Variants in SMG1 observed in about 807,000 individuals in gnomAD.
SMG1 encodes the protein serine/threonine-protein kinase SMG1.
SMG1 carries 22 observed loss-of-function variants against 419.9 expected under a neutral mutation model. The observed-to-expected ratio is 0.05, with a 90% confidence interval of 0.04 to 0.07. The LOEUF (loss-of-function observed/expected upper bound fraction) is 0.07. Among genes scored for constraint, SMG1 ranks in the 10% least tolerant of loss-of-function variants. The probability of loss-of-function intolerance (pLI) is 1.00; values close to 1 mark genes in which losing one functional copy is unlikely to be tolerated. For missense variants in SMG1, 3,185 were observed against 4,342.0 expected (o/e 0.73, Z 7.49); for synonymous variants, 1,538 against 1,553.5 (o/e 0.99, Z 0.23).
intron 23 of SMG1, among the ~76,000 whole-genome samples, 180 bp from the exon 24 acceptor site, chr16:18,864,324 T>C (rs370179938): frequency 3.3e-5 from 5 of 151,320 alleles, no homozygotes; most frequent in African/African-American, 1.2e-4. Flanking sequence ...GCCTCCTGAG[T>C]AGCTGGGAAT....
chr16:18,862,362 G>A (rs117506357), intron 25 of SMG1, among the ~76,000 whole-genome samples: 10,067 of 152,182 alleles, frequency 0.066, 511 homozygotes, highest in Non-Finnish European at 0.099. Context: ...ATTCTTCAGA[G>A]GCTTCTCTCT....
chr16:18,925,664 C>T (rs766374375), intron 1 of SMG1: 5 of 226,220 alleles, frequency 2.2e-5, no homozygotes, highest in Non-Finnish European at 3.4e-5. Flanking sequence ...ACCCCCACCC[C>T]CGCCTCTTTC....
In SMG1 at chr16:18,845,595, A is replaced by G; in HGVS notation, c.6053T>C (p.Val2018Ala). 6.2e-7 allele frequency: 1 copy of G among 1,613,494 alleles called. No homozygotes were observed. The highest frequency in any genetic ancestry group is 8.5e-7 in the Non-Finnish European group (1 of 1,179,892). The change falls in exon 39 of 63, where the codon GTA (valine) becomes GCA (alanine). Residue 2018 changes from valine to alanine, a missense_variant. Val to Ala is a moderately conservative substitution (Grantham distance 64). Around this residue, in one of 27 missense-constraint regions of SMG1, gnomAD observed 159 missense variants for 196.0 expected, o/e 0.81. Coordinates refer to ENST00000446231, the MANE Select transcript of SMG1 (RefSeq NM_015092.5). ...EKHTALMKPI[V>A]FALEHVRSIT... ...ACTCCTCACATGCTCCAAAGCAAAT[A>G]CGATGGGCTTCATCAAAGCTGTGTG...
At chr16:18,815,803 C>T (rs1301743647) in intron 58 of SMG1, 152 bp from the exon 59 acceptor site, 4 of 602,782 alleles carry the variant, frequency 6.6e-6, no homozygotes, top group Non-Finnish European at 1.1e-5. Flanking sequence ...ACTTTGTTTC[C>T]ACCATCAAAT....
chr16:18,898,348 G>A (rs1171467625), intron 1 of SMG1, among the ~76,000 whole-genome samples: 2 of 152,098 alleles, frequency 1.3e-5, no homozygotes, highest in Non-Finnish European at 2.9e-5. Flanking sequence ...CTAATATTCA[G>A]AGTTCATTTA....
Position 18,857,134 on chromosome 16 carries a change from T to C in SMG1, c.4234+1036A>G, listed in dbSNP as rs1162624321. ...GGTATATTTGGCAGTGAAGGACCAG[T>C]TGAGTCACAGCTTCAAGTAACCACT... is the stretch of plus-strand genomic sequence containing the variant. On this transcript the variant is annotated intron_variant, in intron 29 of 62. Transcript: ENST00000446231. The C allele has an allele frequency of 2.6e-5, 4 of 152,196 alleles. No individual in the cohort carries two copies. In the East Asian group the frequency reaches 5.8e-4, roughly 22 times the overall value. 9.4% of individuals were successfully genotyped at this position (152,196 alleles called of 1,614,324 possible).
intron 57 of SMG1, among the ~76,000 whole-genome samples, chr16:18,817,053 T>G (rs183566878): frequency 6.7e-6 from 1 of 148,374 alleles, no homozygotes; most frequent in Non-Finnish European, 1.5e-5. Flanking sequence ...ATTTTGGTTG[T>G]AGCTATGAGG....
In SMG1 at chr16:18,899,353, T is replaced by A. The variant is rs1252447786; in HGVS notation, c.93-2397A>T. On this transcript the variant is annotated intron_variant, in intron 1 of 62. Transcript: ENST00000446231. Reference sequence around the variant, plus strand: ...ACTGAGATTTTTTTCCCAAAAAAAATTTGTGTTTTCAGAAATATAACAAAA... The same window carrying A: ...ACTGAGATTTTTTTCCCAAAAAAAAATTGTGTTTTCAGAAATATAACAAAA... Among the ~76,000 whole-genome samples the A allele has an allele frequency of 6.6e-5, 10 of 152,198 alleles. No homozygotes were observed. The East Asian group carries it at 1.2e-3, about 18-fold the overall frequency.
At chr16:18,875,290 T>C (rs1038038185) in intron 13 of SMG1, 3 of 152,568 alleles carry the variant, frequency 2.0e-5, no homozygotes, top group Admixed American at 6.5e-5. Context: ...GTAAGTGTTA[T>C]GAAAATACTC....
Position 18,892,945 on chromosome 16 carries a change from GA to G in SMG1, c.413-592del, listed in dbSNP as rs199954616. 6.6e-5 allele frequency among the ~76,000 whole-genome samples: 10 copies of G among 152,268 alleles called. No individual in the cohort carries two copies. The East Asian group carries it at 7.7e-4, about 12-fold the overall frequency. ...TCAATCCAGAGGACTGGCTGGGAGA[GA>G]AAAAAGAAAGGCCTTAGTAACAACT... is the stretch of plus-strand genomic sequence containing the variant. On this transcript the variant is annotated intron_variant, in intron 3 of 62. Coordinates refer to ENST00000446231, the MANE Select transcript of SMG1 (RefSeq NM_015092.5).
At chr16:18,873,862 AT>A (rs1159117553) in intron 13 of SMG1, among the ~76,000 whole-genome samples, 1 of 152,138 alleles carries the variant, frequency 6.6e-6, no homozygotes, top group African/African-American at 2.4e-5. Flanking sequence ...TGACTGCCCC[AT>A]CCCCACCCAC....
At chr16:18,860,226 A>T (rs2035143055) in intron 26 of SMG1, among the ~76,000 whole-genome samples, 1 of 152,250 alleles carries the variant, frequency 6.6e-6, no homozygotes, top group Non-Finnish European at 1.5e-5. Flanking sequence ...TCAACAAAAA[A>T]GAAAATCGGT....
chr16:18,892,109 C>G (rs530096916), intron 4 of SMG1, 109 bp downstream of exon 4: 8 of 824,314 alleles, frequency 9.7e-6, no homozygotes, highest in Non-Finnish European at 1.6e-5. Context: ...ATTAAGTTCT[C>G]GATCATCATA....
intron 10 of SMG1, among the ~76,000 whole-genome samples, chr16:18,881,297 T>A (rs945925869): frequency 1.3e-5 from 2 of 152,132 alleles, no homozygotes; most frequent in African/African-American, 4.8e-5. Context: ...AACAACCACC[T>A]TTTAGATATT....
rs1342328929 is a variant in SMG1, at chr16:18,809,554, C to T, written c.*15G>A. 6.2e-7 allele frequency: 1 copy of T among 1,602,468 alleles called. No individual in the cohort carries two copies. Among genetic ancestry groups the T allele is most frequent in the Admixed American group, 1.7e-5 (1 of 59,186 alleles). On this transcript the variant is annotated 3_prime_UTR_variant, in exon 63 of 63. Transcript: ENST00000446231. ...TCTGACCTCGCTTAACCAGACTCAT[C>T]TACTGTCTTGCCATTCACACCCAGG...
intron 13 of SMG1, chr16:18,875,085 C>T (rs1215799213): frequency 6.6e-6 from 1 of 152,090 alleles, no homozygotes; most frequent in Non-Finnish European, 1.5e-5. Context: ...ACTTATGTTT[C>T]ATAGACACCT....
Position 18,830,246 on chromosome 16 carries a change from T to G in SMG1, c.8916A>C (p.Glu2972Asp). 6.2e-7 allele frequency: 1 copy of G among 1,613,964 alleles called. No individual in the cohort carries two copies. The highest frequency in any genetic ancestry group is 8.5e-7 in the Non-Finnish European group (1 of 1,179,870). The part of the protein sequence containing the change: ...VAFDGMFAQV[E>D]TAFSLLVEKL... ...TTTCAACTAATAAGCTGAAAGCAGT[T>G]TCAACTTGAGCAAACATGCCATCGA... The change falls in exon 52 of 63, where the codon GAA becomes GAC. Residue 2972 changes from glutamate to aspartate, a missense_variant. Coordinates refer to ENST00000446231, the MANE Select transcript of SMG1 (RefSeq NM_015092.5).
intron 28 of SMG1, chr16:18,858,644 A>G (rs2035046318): frequency 4.7e-6 from 1 of 213,438 alleles, no homozygotes; most frequent in Non-Finnish European, 9.2e-6. Flanking sequence ...GTTCTCGAAG[A>G]TCATCATTCA....
At position 18,815,432 on chromosome 16, in the gene SMG1, AT is replaced by A. The variant is rs1431528959; in HGVS notation, c.10514+7del. ...GTTTTATAAATTCTGACCAGAAGGC[AT>A]TCTTACCTCTGACTTTGTGTTTTCA... On this transcript the variant is annotated splice_region_variant and intron_variant, in intron 59 of 62. Coordinates refer to ENST00000446231, the MANE Select transcript of SMG1 (RefSeq NM_015092.5). 6 of 1,613,562 alleles carry A rather than the reference AT, an allele frequency of 3.7e-6. No individual in the cohort carries two copies. In the Admixed American group the frequency reaches 1.0e-4, roughly 27 times the overall value.
Sources: gnomAD v4.1 joint callset for allele counts (sites outside exome capture counted in the v4.1 genomes callset) on GRCh38, gnomAD v4.1.1 for gene constraint, gnomAD v4.1.1 regional missense constraint, MANE v1.5 for transcripts, NCBI Gene and HGNC (gene_info 2026-07-23, HGNC 2026-07-21) for gene names.